Variants in ARID3A observed in about 807,000 individuals in gnomAD.
ARID3A encodes the protein AT-rich interactive domain-containing protein 3A.
Under a neutral mutation model 52.7 loss-of-function variants are expected in ARID3A, and 11 were observed. The ratio of observed to expected loss-of-function variants is 0.21; its 90% CI spans 0.13 to 0.35. The LOEUF (loss-of-function observed/expected upper bound fraction) is 0.35, where lower values mean the gene tolerates loss of function less well. Among genes scored for constraint, ARID3A ranks in the 10% least tolerant of loss-of-function variants. The pLI, the probability that ARID3A is intolerant of heterozygous loss-of-function variation, is 1.00. For missense variants in ARID3A, 721 were observed against 838.5 expected (o/e 0.86, Z 1.73); for synonymous variants, 404 against 359.4 (o/e 1.12, Z -1.40).
intron 7 of ARID3A, among the ~76,000 whole-genome samples, chr19:967,815 C>T (rs551726841): frequency 1.4e-4 from 21 of 152,208 alleles, no homozygotes; most frequent in South Asian, 1.0e-3. Flanking sequence ...GAGGCCGAGG[C>T]GGGCAGATCA....
In ARID3A at chr19:964,638, A is replaced by G. The variant is rs187461419; in HGVS notation, c.951-195A>G. The stretch of plus-strand genomic sequence containing the variant: ...ACCACACAGTCTCTGGGGTTGTGCA[A>G]TCAGGGGCCATTGCGAGGAACAGCA... On this transcript the variant is annotated intron_variant, in intron 5 of 8. Transcript: ENST00000263620. This position sits in a 1 kb window ranked among gnomAD's most constrained non-coding sequence, Gnocchi z 5.7. Among the ~76,000 whole-genome samples the G allele has an allele frequency of 1.8e-3, 276 of 152,240 alleles. 1 individual carries two copies. The highest frequency in any genetic ancestry group is 3.2e-3 in the Non-Finnish European group (215 of 68,002).
chr19:965,215 C>A, intron 6 of ARID3A, 135 bp downstream of exon 6: 1 of 1,045,880 alleles, frequency 9.6e-7, no homozygotes, highest in Non-Finnish European at 1.3e-6. Context: ...AAAGGGCTTC[C>A]AATCTACCAG....
At chr19:927,195 G>A (rs964010275) in intron 1 of ARID3A, among the ~76,000 whole-genome samples, 25 of 152,096 alleles carry the variant, frequency 1.6e-4, no homozygotes, top group East Asian at 1.6e-3. Context: ...GGAGGGTGTG[G>A]CCCAGGATCC....
chr19:945,043 C>T (rs2037648032), intron 3 of ARID3A, among the ~76,000 whole-genome samples: 1 of 152,234 alleles, frequency 6.6e-6, no homozygotes, highest in Non-Finnish European at 1.5e-5. Context: ...CCTGCCCAGC[C>T]ACTGCCCCCA....
In ARID3A at chr19:929,578, C is replaced by A; in HGVS notation, c.50C>A (p.Ala17Glu). The change falls in exon 2 of 9, where the codon GCG becomes GAG. Residue 17 changes from alanine to glutamate, a missense_variant. By Grantham distance (107) the Ala-to-Glu change is moderately radical (BLOSUM62 -1). Coordinates refer to ENST00000263620, the MANE Select transcript of ARID3A (RefSeq NM_005224.3). The surrounding 1 kb of genome is among the most constrained non-coding windows in gnomAD (Gnocchi z 6.2). ...ACGCTGTTGCAGCGGCAGCAGCGGG[C>A]GCGCCAGGAGCTGGAGGCCCGGCAG... ...METLLQRQQR[A>E]RQELEARQQL... 1 of 1,523,466 alleles carries A rather than the reference C, an allele frequency of 6.6e-7. No homozygotes were observed. The highest frequency in any genetic ancestry group is 8.8e-7 in the Non-Finnish European group (1 of 1,142,002). The allele number at this position is 1,523,466 out of a possible 1,614,324, so 94.4% of individuals were successfully genotyped here.
At position 960,197 on chromosome 19, in the gene ARID3A, G is replaced by A. The variant is rs765407947; in HGVS notation, c.766+33G>A. 14 of 1,580,624 alleles carry A rather than the reference G, an allele frequency of 8.9e-6. No homozygotes were observed. The highest frequency in any genetic ancestry group is 4.6e-5 in the East Asian group (2 of 43,170). ...CTCTGCCCCCACCCCGCTGGAGGGA[G>A]GTCACAGAAACAGGGCTGTAGGAGG... On this transcript the variant is annotated intron_variant, in intron 4 of 8. Transcript: ENST00000263620. The surrounding 1 kb of genome is among the most constrained non-coding windows in gnomAD (Gnocchi z 4.3).
At chr19:963,372 T>C (rs191004841) in intron 4 of ARID3A, among the ~76,000 whole-genome samples, 1 of 152,314 alleles carries the variant, frequency 6.6e-6, no homozygotes, top group Non-Finnish European at 1.5e-5. Flanking sequence ...CTGTACACAA[T>C]TGATCTCCTA....
intron 4 of ARID3A, among the ~76,000 whole-genome samples, chr19:963,909 C>T (rs945793040): frequency 2.6e-5 from 4 of 152,172 alleles, no homozygotes; most frequent in African/African-American, 4.8e-5. Context: ...TGGCAGCTGC[C>T]GTGGTGTGTG....
intron 3 of ARID3A, among the ~76,000 whole-genome samples, chr19:955,841 C>T (rs868479645): frequency 1.3e-5 from 2 of 152,164 alleles, no homozygotes; most frequent in Non-Finnish European, 2.9e-5. Context: ...GGCTGCGTAA[C>T]GAAGGACCTC....
rs2038107815 is a variant in ARID3A, at chr19:964,568, A to T, written c.950+137A>T. 1 of 1,271,416 alleles carries T rather than the reference A, an allele frequency of 7.9e-7. No homozygotes were observed. Among genetic ancestry groups the T allele is most frequent in the African/African-American group, 1.5e-5 (1 of 66,708 alleles). The allele number at this position is 1,271,416 out of a possible 1,614,324, so 78.8% of individuals were successfully genotyped here. A position where few individuals can be genotyped will look rare whatever the true frequency, so the allele number is the denominator to read the frequency against. On this transcript the variant is annotated intron_variant, in intron 5 of 8. Coordinates refer to ENST00000263620, the MANE Select transcript of ARID3A (RefSeq NM_005224.3). This position sits in a 1 kb window ranked among gnomAD's most constrained non-coding sequence, Gnocchi z 5.7. ...GGGCAGCCGCAAAGGGCACAGGGCCACACCGTGCGTCCAGGGCCCGAGAGC... is the reference window on the plus strand; with the variant it reads ...GGGCAGCCGCAAAGGGCACAGGGCCTCACCGTGCGTCCAGGGCCCGAGAGC...
intron 3 of ARID3A, among the ~76,000 whole-genome samples, chr19:939,339 G>A (rs570778200): frequency 1.3e-5 from 2 of 152,146 alleles, no homozygotes; most frequent in African/African-American, 2.4e-5. Context: ...GGGTGGTCTC[G>A]TATTCCTGAC....
In ARID3A at chr19:941,343, G is replaced by A. The variant is rs1223605134; in HGVS notation, c.693+8601G>A. 1.3e-5 allele frequency among the ~76,000 whole-genome samples: 2 copies of A among 152,156 alleles called. No homozygotes were observed. Among genetic ancestry groups the A allele is most frequent in the East Asian group, 1.9e-4 (1 of 5,174 alleles). ...ATCTTGCTCCAGACACAGCATCTTC[G>A]GACCCTCCAAGGCCTCTGCCCACCG... On this transcript the variant is annotated intron_variant, in intron 3 of 8. Transcript: ENST00000263620. The surrounding 1 kb of genome is among the most constrained non-coding windows in gnomAD (Gnocchi z 6.9).
At chr19:954,809 C>T (rs1242790480) in intron 3 of ARID3A, among the ~76,000 whole-genome samples, 18 of 139,306 alleles carry the variant, frequency 1.3e-4, no homozygotes, top group Non-Finnish European at 1.2e-4. Flanking sequence ...GGGGCGAAGG[C>T]GGCCGCTCGG....
chr19:929,762 C>G lies in ARID3A; in HGVS notation c.234C>G (p.Pro78=), dbSNP rs778825521. ...CGGGCCTGGGACACCCAGCCAGCCC[C>G]GGCGGCTCTGAGGATGGGCCCCCAG... ...AAAGLGHPAS[P]GGSEDGPPGS... is the part of the protein sequence containing the mutation. Residue 78 remains proline, a synonymous_variant, in exon 2 of 9, where the codon CCC becomes CCG. Transcript: ENST00000263620. This position sits in a 1 kb window ranked among gnomAD's most constrained non-coding sequence, Gnocchi z 6.2. 6.4e-7 allele frequency: 1 copy of G among 1,552,776 alleles called. No homozygotes were observed. The highest frequency in any genetic ancestry group is 1.4e-5 in the African/African-American group (1 of 73,882).
intron 3 of ARID3A, among the ~76,000 whole-genome samples, chr19:939,167 G>A (rs988242698): frequency 6.6e-6 from 1 of 151,554 alleles, no homozygotes; most frequent in Non-Finnish European, 1.5e-5. Context: ...TCACCAGCCT[G>A]GAATGCAGTG....
Position 942,716 on chromosome 19 carries a change from C to G in ARID3A, c.693+9974C>G, listed in dbSNP as rs2037582903. Among the ~76,000 whole-genome samples the G allele has an allele frequency of 6.6e-6, 1 of 152,180 alleles. No individual in the cohort carries two copies. The highest frequency in any genetic ancestry group is 6.5e-5 in the Admixed American group (1 of 15,280). On this transcript the variant is annotated intron_variant, in intron 3 of 8. Transcript: ENST00000263620. The surrounding 1 kb of genome is among the most constrained non-coding windows in gnomAD (Gnocchi z 8.1). ...TCAGGAAGTGAGCTCCCTGGGGACCCAGGCCCCATGTCCAGAAGCCACGCT... is the reference window on the plus strand; with the variant it reads ...TCAGGAAGTGAGCTCCCTGGGGACCGAGGCCCCATGTCCAGAAGCCACGCT...
chr19:930,029 C>T lies in ARID3A; in HGVS notation c.368+133C>T, dbSNP rs144504361. 1,539 of 1,320,698 alleles carry T rather than the reference C, an allele frequency of 1.2e-3. 18 individuals carry two copies. The African/African-American group carries it at 0.021, about 18-fold the overall frequency. 81.8% of individuals were successfully genotyped at this position (1,320,698 alleles called of 1,614,324 possible). A position where few individuals can be genotyped will look rare whatever the true frequency, so the allele number is the denominator to read the frequency against. ...CTGTAATTCCAGCAGTTTGAGAGGC[C>T]GACGTGGGAGGATCACGTGGGCCCA... On this transcript the variant is annotated intron_variant, in intron 2 of 8. Coordinates refer to ENST00000263620, the MANE Select transcript of ARID3A (RefSeq NM_005224.3).
In ARID3A at chr19:960,556, T is replaced by G. The variant is rs895139417; in HGVS notation, c.766+392T>G. ...TGGGGTCAGATTCGGGCTGGCCAGG[T>G]GGGTGCAGGTGCGGCAGGACAGAAG... is the stretch of plus-strand genomic sequence containing the variant. On this transcript the variant is annotated intron_variant, in intron 4 of 8. Coordinates refer to ENST00000263620, the MANE Select transcript of ARID3A (RefSeq NM_005224.3). The surrounding 1 kb of genome is among the most constrained non-coding windows in gnomAD (Gnocchi z 4.3). Among the ~76,000 whole-genome samples, 7 of 151,832 alleles carry G rather than the reference T, an allele frequency of 4.6e-5. No homozygotes were observed. Among genetic ancestry groups the G allele is most frequent in the Admixed American group, 2.0e-4 (3 of 15,222 alleles).
intron 3 of ARID3A, among the ~76,000 whole-genome samples, chr19:936,036 T>C (rs1434546898): frequency 2.0e-5 from 3 of 149,776 alleles, no homozygotes; most frequent in African/African-American, 4.9e-5. Context: ...GTGATCCGCC[T>C]GCCTCGGCCT....
Sources: allele counts gnomAD v4.1 joint callset (sites outside exome capture counted in the v4.1 genomes callset), GRCh38; gene constraint gnomAD v4.1.1; non-coding constraint Gnocchi (gnomAD v3.1); transcripts MANE v1.5; gene names NCBI Gene and HGNC (gene_info 2026-07-23, HGNC 2026-07-21).